SLC7A6: variants seen among roughly 807,000 people sequenced by gnomAD.
SLC7A6 encodes the protein Y+L amino acid transporter 2.
In SLC7A6, 29 loss-of-function variants were observed where a neutral mutation model predicts 46.6. The ratio of observed to expected loss-of-function variants is 0.62; its 90% confidence interval spans 0.46 to 0.85. The LOEUF (loss-of-function observed/expected upper bound fraction) is 0.85, where lower values mean the gene tolerates loss of function less well. Ranked by LOEUF, SLC7A6 falls within the 40% of genes least tolerant of loss-of-function variation. SLC7A6 has a pLI of 0.00. For missense variants in SLC7A6, 527 were observed against 647.6 expected, an observed-to-expected ratio of 0.81 and a Z score of 2.02; for synonymous variants, 276 against 257.3, an observed-to-expected ratio of 1.07 and a Z score of -0.70.
intron 7 of SLC7A6, chr16:68,291,909 T>C (rs1400611882): frequency 8.2e-6 from 4 of 485,654 alleles, no homozygotes; most frequent in Non-Finnish European, 1.5e-5. Flanking sequence ...GCTCATGTTA[T>C]GTGTTGATAG....
intron 8 of SLC7A6, among the ~76,000 whole-genome samples, chr16:68,296,001 A>T (rs1343763002): frequency 6.6e-6 from 1 of 152,114 alleles, no homozygotes; most frequent in Non-Finnish European, 1.5e-5. Context: ...CCCCATTTGT[A>T]TGCCAGGCAG....
intron 5 of SLC7A6, 128 bp from the exon 6 acceptor site, chr16:68,291,081 G>T: frequency 8.4e-7 from 1 of 1,186,792 alleles, no homozygotes; most frequent in Admixed American, 2.0e-5. Context: ...AGGGGAAGGT[G>T]AGCCTCCCTC....
intron 10 of SLC7A6, 72 bp from the exon 11 acceptor site, chr16:68,297,162 A>C (rs2151234859): frequency 2.1e-6 from 3 of 1,405,038 alleles, no homozygotes; most frequent in African/African-American, 2.9e-5. Context: ...AGATGTTACT[A>C]GTCAGCCTTG....
chr16:68,290,807 G>A, intron 5 of SLC7A6: 3 of 514,982 alleles, frequency 5.8e-6, no homozygotes, highest in Non-Finnish European at 1.1e-5. Context: ...GGCCCAGCTG[G>A]GGCAAAGGAA....
At chr16:68,272,481 T>C (rs1021392194) in intron 2 of SLC7A6, among the ~76,000 whole-genome samples, 3 of 152,120 alleles carry the variant, frequency 2.0e-5, no homozygotes, top group African/African-American at 7.2e-5. Flanking sequence ...TTATCTGCCT[T>C]CAGTTTTGTG....
intron 3 of SLC7A6, among the ~76,000 whole-genome samples, chr16:68,279,746 C>T (rs1481256174): frequency 6.6e-6 from 1 of 152,180 alleles, no homozygotes; most frequent in Non-Finnish European, 1.5e-5. Flanking sequence ...ACCATATTGG[C>T]CATACTGGTC....
At chr16:68,284,809 T>C (rs2042893816) in intron 3 of SLC7A6, 1 of 166,150 alleles carries the variant, frequency 6.0e-6, no homozygotes, top group South Asian at 2.0e-4. Context: ...TGTCTCTGCC[T>C]CCTTGTCTCT....
chr16:68,296,879 G>A, intron 10 of SLC7A6, 69 bp downstream of exon 10: 2 of 1,523,190 alleles, frequency 1.3e-6, no homozygotes, highest in African/African-American at 1.4e-5. Flanking sequence ...GTGGGGGGTG[G>A]CTAACAGCTT....
rs148178712 is a variant in SLC7A6 at position 68,287,804 on chromosome 16, G to A, written c.582G>A (p.Thr194=). 158 of 1,614,206 alleles carry A rather than the reference G, an allele frequency of 9.8e-5. No homozygotes were observed. The African/African-American group carries it at 1.7e-3, about 18-fold the overall frequency. Reference sequence around the variant, plus strand: ...AGTGGGGCACACGTGTGCAGGACACGTTCACTTACGCCAAGGTCGTAGCGC... The same window carrying A: ...AGTGGGGCACACGTGTGCAGGACACATTCACTTACGCCAAGGTCGTAGCGC... ...YVKWGTRVQD[T]FTYAKVVALI... The change falls in exon 4 of 11, where the codon ACG becomes ACA. Residue 194 remains threonine (T), a synonymous_variant. Transcript: ENST00000219343.
chr16:68,276,022 C>T (rs771150284), intron 3 of SLC7A6, among the ~76,000 whole-genome samples: 3 of 152,184 alleles, frequency 2.0e-5, no homozygotes, highest in Non-Finnish European at 2.9e-5. Flanking sequence ...AAGTAGGCTT[C>T]ACTAGACTGT....
At chr16:68,284,540 T>C (rs189328882) in intron 3 of SLC7A6, 7 of 522,448 alleles carry the variant, frequency 1.3e-5, no homozygotes, top group Non-Finnish European at 1.7e-5. Flanking sequence ...TAGCACATAG[T>C]TGAATTTCCA....
rs990157612 is a variant in SLC7A6 at position 68,298,423 on chromosome 16, G to A, written c.*1095G>A. 6.6e-6 allele frequency: 1 copy of A among 152,422 alleles called. No individual in the cohort carries two copies. Among genetic ancestry groups the A allele is most frequent in the African/African-American group, 2.4e-5 (1 of 41,434 alleles). 9.4% of individuals were successfully genotyped at this position (152,422 alleles called of 1,614,324 possible). On this transcript the variant is annotated 3_prime_UTR_variant, in exon 11 of 11. Transcript: ENST00000219343. ...TGCAGACCCAAGCAATCCCAACCTG[G>A]TGCTAGGTCATTTCACTTTTCTGAA...
chr16:68,286,472 G>A (rs1222910149), intron 3 of SLC7A6, among the ~76,000 whole-genome samples: 1 of 152,188 alleles, frequency 6.6e-6, no homozygotes, highest in Non-Finnish European at 1.5e-5. Context: ...CTGAAGGAGA[G>A]AGTGCAAAGT....
intron 2 of SLC7A6, among the ~76,000 whole-genome samples, chr16:68,268,082 A>C (rs2863980): frequency 0.68 from 103,429 of 152,140 alleles, 35,956 homozygotes; most frequent in African/African-American, 0.84. Context: ...TATAATATAC[A>C]AGTAAAGGTA....
At chr16:68,290,358 C>T (rs763169984) in intron 4 of SLC7A6, 38 bp from the exon 5 acceptor site, 1 of 1,612,260 alleles carries the variant, frequency 6.2e-7, no homozygotes. Context: ...TGGCCTGTTC[C>T]TTCTCTCTGA....
intron 3 of SLC7A6, among the ~76,000 whole-genome samples, chr16:68,286,641 T>C (rs78805615): frequency 6.6e-6 from 1 of 152,164 alleles, no homozygotes; most frequent in Non-Finnish European, 1.5e-5. Context: ...GTCGTCCCCA[T>C]GGATCAGTCA....
Position 68,294,839 on chromosome 16 carries a change from G to A in SLC7A6, c.1119+38G>A, listed in dbSNP as rs565944717. 9 of 1,369,466 alleles carry A rather than the reference G, an allele frequency of 6.6e-6. No homozygotes were observed. In the Admixed American group the frequency reaches 8.4e-5, roughly 13 times the overall value. The allele number at this position is 1,369,466 out of a possible 1,614,324, so 84.8% of individuals were successfully genotyped here. On this transcript the variant is annotated intron_variant, in intron 8 of 10. Coordinates refer to ENST00000219343, the MANE Select transcript of SLC7A6 (RefSeq NM_003983.6). ...GGGACCACGGGGCTCAGGTGGATCT[G>A]TGCATTGCTCCTTCTGATTTGTGCT...
intron 2 of SLC7A6, among the ~76,000 whole-genome samples, chr16:68,269,926 C>G (rs530058628): frequency 4.6e-5 from 7 of 152,182 alleles, no homozygotes; most frequent in African/African-American, 1.7e-4. Context: ...TGCCATCATG[C>G]CTGGCTACTT....
chr16:68,267,836 A>G (rs1416622837), intron 2 of SLC7A6, among the ~76,000 whole-genome samples: 1 of 152,122 alleles, frequency 6.6e-6, no homozygotes, highest in African/African-American at 2.4e-5. Context: ...GGAGGGGAGA[A>G]AGGAGGAGGG....
Sources: gnomAD v4.1 joint callset for allele counts (sites outside exome capture counted in the v4.1 genomes callset) on GRCh38, gnomAD v4.1.1 for gene constraint, MANE v1.5 for transcripts, NCBI Gene and HGNC (gene_info 2026-07-23, HGNC 2026-07-21) for gene names.